The following SH3GL2 variants were observed in gnomAD, a reference collection of about 807,000 sequenced individuals.
SH3GL2 encodes the protein endophilin-A1.
SH3GL2 carries 24 observed loss-of-function variants against 46.0 expected under a neutral mutation model. That is an observed-to-expected ratio of 0.52 (90% CI 0.38 to 0.73). The LOEUF (loss-of-function observed/expected upper bound fraction) is 0.73. SH3GL2 is among the 30% of genes least tolerant of loss of function. The pLI is 0.00. For missense variants in SH3GL2, 413 were observed against 424.2 expected (o/e 0.97, Z 0.23); for synonymous variants, 196 against 147.1 (o/e 1.33, Z -2.40).
intron 1 of SH3GL2, among the ~76,000 whole-genome samples, chr9:17,635,628 A>G (rs1278786632): frequency 6.6e-6 from 1 of 152,212 alleles, no homozygotes; most frequent in Non-Finnish European, 1.5e-5. Context: ...TTGACCTCAC[A>G]GAGCATTTAT....
intron 1 of SH3GL2, among the ~76,000 whole-genome samples, chr9:17,583,601 G>A (rs1431479314): frequency 2.0e-5 from 3 of 152,112 alleles, no homozygotes; most frequent in African/African-American, 7.2e-5. Context: ...TTTGTTAGTA[G>A]CCTGAACAGA....
chr9:17,701,924 A>G (rs1426918936), intron 1 of SH3GL2, among the ~76,000 whole-genome samples: 1 of 152,090 alleles, frequency 6.6e-6, no homozygotes, highest in Non-Finnish European at 1.5e-5. Context: ...TACAAAAGAT[A>G]ATATTTTTAG....
At chr9:17,724,357 T>G (rs1821970041) in intron 1 of SH3GL2, among the ~76,000 whole-genome samples, 1 of 152,160 alleles carries the variant, frequency 6.6e-6, no homozygotes, top group African/African-American at 2.4e-5. Flanking sequence ...TGTATTTATA[T>G]CCTCTATTTG....
At chr9:17,588,593 C>G (rs929428744) in intron 1 of SH3GL2, among the ~76,000 whole-genome samples, 5 of 152,042 alleles carry the variant, frequency 3.3e-5, no homozygotes, top group African/African-American at 1.2e-4. Flanking sequence ...TCTTTGGTGA[C>G]CATCAGCAGG....
At chr9:17,612,294 T>G (rs1378999428) in intron 1 of SH3GL2, among the ~76,000 whole-genome samples, 2 of 152,134 alleles carry the variant, frequency 1.3e-5, no homozygotes, top group Admixed American at 6.5e-5. Context: ...GTAGCTCTGG[T>G]CAGATTTTAC....
At chr9:17,701,457 T>C (rs1349758216) in intron 1 of SH3GL2, among the ~76,000 whole-genome samples, 1 of 151,994 alleles carries the variant, frequency 6.6e-6, no homozygotes, top group Non-Finnish European at 1.5e-5. Flanking sequence ...TTGGGGCCTC[T>C]TTGTGGGGAG....
intron 1 of SH3GL2, among the ~76,000 whole-genome samples, chr9:17,738,973 A>G (rs898446764): frequency 3.3e-5 from 5 of 152,156 alleles, no homozygotes; most frequent in South Asian, 2.1e-4. Flanking sequence ...ATAAGTGGAT[A>G]CTGTAGACTT....
chr9:17,585,748 C>T (rs1339615155), intron 1 of SH3GL2, among the ~76,000 whole-genome samples: 5 of 152,190 alleles, frequency 3.3e-5, no homozygotes, highest in Non-Finnish European at 5.9e-5. Flanking sequence ...CAGAAGAAGA[C>T]AGAGAGGTGA....
Position 17,602,050 on chromosome 9 carries a change from C to T in SH3GL2, c.45+22763C>T, listed in dbSNP as rs190206227. ...TTCATGAAACTTAACTCTTCCTTCC[C>T]GACTGTCTCTCCCACCTTCTGAAAA... On this transcript the variant is annotated intron_variant, in intron 1 of 8. Transcript: ENST00000380607. Among the ~76,000 whole-genome samples, 64 of 152,236 alleles carry T rather than the reference C, an allele frequency of 4.2e-4. No homozygotes were observed. The East Asian group carries it at 0.01, about 24-fold the overall frequency.
At chr9:17,723,464 C>A (rs1423949987) in intron 1 of SH3GL2, among the ~76,000 whole-genome samples, 1 of 152,018 alleles carries the variant, frequency 6.6e-6, no homozygotes, top group East Asian at 1.9e-4. Flanking sequence ...ATATATGAAC[C>A]TAAATACAGA....
chr9:17,669,627 A>G (rs913226747), intron 1 of SH3GL2, among the ~76,000 whole-genome samples: 2 of 152,166 alleles, frequency 1.3e-5, no homozygotes, highest in Non-Finnish European at 2.9e-5. Context: ...AGTGTATGGT[A>G]TGGATGGACC....
chr9:17,778,644 G>A (rs1382830259), intron 3 of SH3GL2, among the ~76,000 whole-genome samples: 1 of 152,084 alleles, frequency 6.6e-6, no homozygotes, highest in African/African-American at 2.4e-5. Flanking sequence ...TCTATTGAGA[G>A]TAGATTATAG....
chr9:17,586,073 T>C (rs1022755049), intron 1 of SH3GL2, among the ~76,000 whole-genome samples: 1 of 152,216 alleles, frequency 6.6e-6, no homozygotes, highest in Admixed American at 6.5e-5. Flanking sequence ...TCTTTTGCAT[T>C]CTACCAACAA....
At chr9:17,687,865 A>G (rs1231967437) in intron 1 of SH3GL2, among the ~76,000 whole-genome samples, 1 of 152,084 alleles carries the variant, frequency 6.6e-6, no homozygotes, top group East Asian at 1.9e-4. Flanking sequence ...TTAGAAAGTA[A>G]TTATCATATT....
intron 1 of SH3GL2, among the ~76,000 whole-genome samples, chr9:17,673,167 T>C (rs933550753): frequency 6.6e-6 from 1 of 152,052 alleles, no homozygotes; most frequent in Non-Finnish European, 1.5e-5. Context: ...TTGTTTGTTT[T>C]TGAGACAGTC....
intron 2 of SH3GL2, chr9:17,755,632 C>G (rs1486090518): frequency 5.5e-6 from 1 of 181,336 alleles, no homozygotes; most frequent in Non-Finnish European, 1.1e-5. Flanking sequence ...GATCACTAAA[C>G]TCACAAAGTG....
rs144424305 is a variant in SH3GL2, at chr9:17,623,914, C to G, written c.45+44627C>G. Among the ~76,000 whole-genome samples the G allele has an allele frequency of 4.2e-3, 646 of 152,260 alleles. 7 individuals are homozygous for G. The highest frequency in any genetic ancestry group is 0.015 in the African/African-American group (615 of 41,550). On this transcript the variant is annotated intron_variant, in intron 1 of 8. Coordinates refer to ENST00000380607, the MANE Select transcript of SH3GL2 (RefSeq NM_003026.5). ...ATTGATACAATTTAAAAAATCAGATCTAATATTTATATTCCAATTAACAAG... is the reference window on the plus strand; with the variant it reads ...ATTGATACAATTTAAAAAATCAGATGTAATATTTATATTCCAATTAACAAG...
intron 1 of SH3GL2, among the ~76,000 whole-genome samples, chr9:17,692,208 C>T (rs1821098099): frequency 2.0e-5 from 3 of 150,814 alleles, no homozygotes; most frequent in Non-Finnish European, 2.9e-5. Context: ...ATATGGGGGA[C>T]AGCAAGGTGC....
At chr9:17,607,775 T>C (rs1818787186) in intron 1 of SH3GL2, among the ~76,000 whole-genome samples, 1 of 152,196 alleles carries the variant, frequency 6.6e-6, no homozygotes, top group African/African-American at 2.4e-5. Flanking sequence ...CTTGTCCTTT[T>C]TGATTGTGTT....
Sources: gnomAD v4.1 joint callset for allele counts (sites outside exome capture counted in the v4.1 genomes callset) on GRCh38, gnomAD v4.1.1 for gene constraint, MANE v1.5 for transcripts, NCBI Gene and HGNC (gene_info 2026-07-23, HGNC 2026-07-21) for gene names.